GABRB1: variants seen among roughly 807,000 people sequenced by gnomAD.
The protein encoded by GABRB1 is gamma-aminobutyric acid type A receptor subunit beta1.
In GABRB1, 17 loss-of-function variants were observed where a neutral mutation model predicts 51.6. The observed-to-expected ratio is 0.33, with a 90% CI of 0.23 to 0.49. GABRB1 has a LOEUF of 0.49. Among genes scored for constraint, GABRB1 ranks in the 20% least tolerant of loss-of-function variants. The pLI is 0.99. For missense variants in GABRB1, 410 were observed against 600.6 expected, an observed-to-expected ratio of 0.68 and a Z score of 3.32; for synonymous variants, 247 against 218.9, an observed-to-expected ratio of 1.13 and a Z score of -1.14.
At position 47,333,190 on chromosome 4, in the gene GABRB1, TTATTTATATATATATATATATATA is replaced by T. The variant is rs1182877345; in HGVS notation, c.544+12985_544+13008del. On this transcript the variant is annotated intron_variant, in intron 5 of 8. Coordinates refer to ENST00000295454, the MANE Select transcript of GABRB1 (RefSeq NM_000812.4). Reference sequence around the variant, plus strand: ...TATACATATATATTTAAAACCCATTTTATTTATATATATATATATATATATATATATATATATATATATATACAC... The same window carrying T: ...TATACATATATATTTAAAACCCATTTTATATATATATATATATATATACAC... Among the ~76,000 whole-genome samples the T allele has an allele frequency of 7.7e-4, 64 of 83,474 alleles. 1 individual carries two copies. Among genetic ancestry groups the T allele is most frequent in the Non-Finnish European group, 1.1e-3 (47 of 42,826 alleles). 54.8% of individuals were successfully genotyped at this position (83,474 alleles called of 152,430 possible).
At chr4:47,061,866 T>C (rs1726859532) in intron 3 of GABRB1, among the ~76,000 whole-genome samples, 1 of 152,166 alleles carries the variant, frequency 6.6e-6, no homozygotes, top group Non-Finnish European at 1.5e-5. Flanking sequence ...CTCAGGTGAA[T>C]TTTTTATATG....
At chr4:47,198,361 A>G (rs902185874) in intron 4 of GABRB1, among the ~76,000 whole-genome samples, 3 of 152,200 alleles carry the variant, frequency 2.0e-5, no homozygotes, top group Admixed American at 6.5e-5. Flanking sequence ...TTGTAAATGG[A>G]TAATGAATAA....
chr4:47,226,693 A>C (rs1053196252), intron 4 of GABRB1, among the ~76,000 whole-genome samples: 1 of 152,176 alleles, frequency 6.6e-6, no homozygotes, highest in Non-Finnish European at 1.5e-5. Flanking sequence ...GAGATAGGGC[A>C]AAAGAAAACC....
intron 4 of GABRB1, among the ~76,000 whole-genome samples, chr4:47,294,017 C>A (rs75415539): frequency 0.016 from 2,485 of 152,248 alleles, 85 homozygotes; most frequent in African/African-American, 0.057. Context: ...AAAGCTACAA[C>A]CCCTCCACAG....
At chr4:47,121,577 T>C (rs1156988310) in intron 3 of GABRB1, among the ~76,000 whole-genome samples, 2 of 152,164 alleles carry the variant, frequency 1.3e-5, no homozygotes, top group Non-Finnish European at 1.5e-5. Flanking sequence ...AGAATGTGAT[T>C]TTCAAAAATT....
chr4:47,318,885 T>G (rs1423576685), intron 4 of GABRB1, among the ~76,000 whole-genome samples: 1 of 152,094 alleles, frequency 6.6e-6, no homozygotes, highest in Non-Finnish European at 1.5e-5. Context: ...ATTAAATGGT[T>G]TCTTTTTTAT....
At chr4:47,366,890 G>A (rs1727002210) in intron 5 of GABRB1, among the ~76,000 whole-genome samples, 1 of 152,078 alleles carries the variant, frequency 6.6e-6, no homozygotes, top group South Asian at 2.1e-4. Flanking sequence ...CTACTTTTTA[G>A]ACTATTAAAT....
chr4:47,387,169 C>T (rs1419740890), intron 5 of GABRB1, among the ~76,000 whole-genome samples: 1 of 152,076 alleles, frequency 6.6e-6, no homozygotes. Flanking sequence ...AATCAGCATC[C>T]AGAAACAAAA....
rs60968247 is a variant in GABRB1 at position 47,246,337 on chromosome 4, CATATATAT to C, written c.462-73738_462-73731del. On this transcript the variant is annotated intron_variant, in intron 4 of 8. Coordinates refer to ENST00000295454, the MANE Select transcript of GABRB1 (RefSeq NM_000812.4). ...ACACACACACACACACACATATGTACATATATATATATATATATATATATATATATATA... is the reference window on the plus strand; with the variant it reads ...ACACACACACACACACACATATGTACATATATATATATATATATATATATA... 3.2e-3 allele frequency among the ~76,000 whole-genome samples: 172 copies of C among 53,226 alleles called. 1 individual carries two copies. Among genetic ancestry groups the C allele is most frequent in the Non-Finnish European group, 4.0e-3 (99 of 24,450 alleles). 34.9% of individuals were successfully genotyped at this position (53,226 alleles called of 152,430 possible). A position where few individuals can be genotyped will look rare whatever the true frequency, so the allele number is the denominator to read the frequency against.
intron 4 of GABRB1, among the ~76,000 whole-genome samples, chr4:47,283,548 C>T (rs1723383938): frequency 6.6e-6 from 1 of 150,726 alleles, no homozygotes; most frequent in Non-Finnish European, 1.5e-5. Context: ...GCCACCACGC[C>T]CGGCTAAATT....
chr4:47,347,272 T>C (rs182475014), intron 5 of GABRB1, among the ~76,000 whole-genome samples: 1 of 151,660 alleles, frequency 6.6e-6, no homozygotes, highest in Non-Finnish European at 1.5e-5. Context: ...ACAGCAAAAC[T>C]CCATCTCACA....
At chr4:47,291,191 G>T (rs1184018052) in intron 4 of GABRB1, among the ~76,000 whole-genome samples, 1 of 152,168 alleles carries the variant, frequency 6.6e-6, no homozygotes, top group Non-Finnish European at 1.5e-5. Flanking sequence ...ACTAAAATGG[G>T]GCAAGGTACA....
intron 3 of GABRB1, among the ~76,000 whole-genome samples, chr4:47,126,518 T>A (rs958147344): frequency 1.3e-5 from 2 of 152,186 alleles, no homozygotes; most frequent in Non-Finnish European, 1.5e-5. Context: ...AGACACCATT[T>A]TGTACATCTT....
rs141226771 is a variant in GABRB1, at chr4:47,202,477, T to A, written c.461+41008T>A. Among the ~76,000 whole-genome samples the A allele has an allele frequency of 6.6e-5, 10 of 152,330 alleles. No individual in the cohort carries two copies. The East Asian group carries it at 1.9e-3, about 29-fold the overall frequency. On this transcript the variant is annotated intron_variant, in intron 4 of 8. Coordinates refer to ENST00000295454, the MANE Select transcript of GABRB1 (RefSeq NM_000812.4). ...CTTCATTCATATAATAAGCATTTGT[T>A]GAATACCTTCTATTGGTAGGAAACT...
intron 4 of GABRB1, among the ~76,000 whole-genome samples, chr4:47,163,635 G>A (rs750606693): frequency 6.6e-6 from 1 of 151,888 alleles, no homozygotes; most frequent in Non-Finnish European, 1.5e-5. Flanking sequence ...CCAAACCTCA[G>A]CATCATACAA....
At chr4:47,257,418 A>G (rs1004215707) in intron 4 of GABRB1, among the ~76,000 whole-genome samples, 6 of 152,154 alleles carry the variant, frequency 3.9e-5, no homozygotes, top group Admixed American at 1.3e-4. Flanking sequence ...TGAGTGTACC[A>G]TCTCTTTTCC....
At chr4:47,048,688 G>A (rs1726207044) in intron 3 of GABRB1, among the ~76,000 whole-genome samples, 1 of 152,114 alleles carries the variant, frequency 6.6e-6, no homozygotes, top group South Asian at 2.1e-4. Flanking sequence ...ACCTGAGATA[G>A]GAATATTTAA....
chr4:47,379,943 G>T (rs1199659573), intron 5 of GABRB1, among the ~76,000 whole-genome samples: 1 of 152,082 alleles, frequency 6.6e-6, no homozygotes, highest in Non-Finnish European at 1.5e-5. Context: ...CCTAATGTTT[G>T]CTGTAAGGTT....
intron 4 of GABRB1, among the ~76,000 whole-genome samples, chr4:47,246,818 G>A (rs1023101671): frequency 2.0e-5 from 3 of 151,900 alleles, no homozygotes; most frequent in Non-Finnish European, 4.4e-5. Flanking sequence ...TTGGCCATTA[G>A]TATATCATCT....
Sources: gnomAD v4.1 joint callset for allele counts (sites outside exome capture counted in the v4.1 genomes callset) on GRCh38, gnomAD v4.1.1 for gene constraint, MANE v1.5 for transcripts, NCBI Gene and HGNC (gene_info 2026-07-23, HGNC 2026-07-21) for gene names.